Variants in LSM7 observed in about 807,000 individuals in gnomAD.
LSM7 encodes the protein U6 snRNA-associated Sm-like protein LSm7.
In LSM7, 13 loss-of-function variants were observed where a neutral mutation model predicts 14.1. The ratio of observed to expected loss-of-function variants is 0.92; its 90% confidence interval spans 0.60 to 1.47. The LOEUF is 1.47. Ranked by LOEUF, LSM7 falls within the 40% of genes most tolerant of loss-of-function variation. The pLI is 0.00. For missense variants in LSM7, 108 were observed against 140.8 expected, an observed-to-expected ratio of 0.77 and a Z score of 1.18; for synonymous variants, 70 against 57.1, an observed-to-expected ratio of 1.23 and a Z score of -1.02.
intron 1 of LSM7, 39 bp from the exon 2 acceptor site, chr19:2,328,516 C>A (rs774166672): frequency 6.2e-7 from 1 of 1,610,538 alleles, no homozygotes; most frequent in Non-Finnish European, 8.5e-7. Flanking sequence ...TGGAGCGCGG[C>A]CCGAGCTCCA....
In LSM7 at chr19:2,321,765, C is replaced by T. The variant is rs762286726; in HGVS notation, c.227G>A (p.Cys76Tyr). 3 of 1,560,440 alleles carry T rather than the reference C, an allele frequency of 1.9e-6. No individual in the cohort carries two copies. Among genetic ancestry groups the T allele is most frequent in the African/African-American group, 1.4e-5 (1 of 73,212 alleles). ...EDTRQLGLVV[C>Y]RGTSVVLICP... ...GATTAGCACCACGGACGTGCCCCGG[C>T]ACACCACGAGGCCCAGCTGCCGGGT... is the stretch of plus-strand genomic sequence containing the variant. The change falls in exon 4 of 4, where the codon TGC becomes TAC. Residue 76 changes from cysteine (C) to tyrosine (Y), a missense_variant. Physicochemically the swap from Cys to Tyr is radical, Grantham distance 194. Coordinates refer to ENST00000252622, the MANE Select transcript of LSM7 (RefSeq NM_016199.3). This position sits in a 1 kb window ranked among gnomAD's most constrained non-coding sequence, Gnocchi z 5.0.
chr19:2,322,321 C>T (rs1434274662), intron 3 of LSM7, among the ~76,000 whole-genome samples: 5 of 152,032 alleles, frequency 3.3e-5, no homozygotes, highest in Non-Finnish European at 5.9e-5. Context: ...AGGCGGATCA[C>T]GAGGTCAGGA....
intron 2 of LSM7, among the ~76,000 whole-genome samples, chr19:2,326,761 C>A (rs1683831690): frequency 6.6e-6 from 1 of 152,272 alleles, no homozygotes. Flanking sequence ...TGAGCCCCCG[C>A]ACCCGGCCCC....
chr19:2,328,497 C>T lies in LSM7; in HGVS notation c.7-20G>A, dbSNP rs367972106. On this transcript the variant is annotated intron_variant, in intron 1 of 3. Transcript: ENST00000252622. ...CTTATCCTGCGGGGAAAGCAGAGCGCATGAGACCTGGAGCGCGGCCCGAGC... is the reference window on the plus strand; with the variant it reads ...CTTATCCTGCGGGGAAAGCAGAGCGTATGAGACCTGGAGCGCGGCCCGAGC... 16 of 1,613,170 alleles carry T rather than the reference C, an allele frequency of 9.9e-6. No homozygotes were observed. The highest frequency in any genetic ancestry group is 1.3e-5 in the Non-Finnish European group (15 of 1,179,706).
At chr19:2,327,143 G>C (rs1476566800) in intron 2 of LSM7, among the ~76,000 whole-genome samples, 1 of 152,218 alleles carries the variant, frequency 6.6e-6, no homozygotes, top group Non-Finnish European at 1.5e-5. Context: ...TGGGTGATTT[G>C]CTATGAAGGG....
intron 2 of LSM7, among the ~76,000 whole-genome samples, chr19:2,325,201 G>T (rs1967996035): frequency 6.6e-6 from 1 of 152,130 alleles, no homozygotes; most frequent in Non-Finnish European, 1.5e-5. Context: ...TGACCCGGTG[G>T]TGATCTCTGC....
intron 2 of LSM7, 138 bp from the exon 3 acceptor site, chr19:2,324,334 G>C: frequency 1.5e-6 from 1 of 686,292 alleles, no homozygotes; most frequent in South Asian, 1.7e-5. Flanking sequence ...GCTCCCGGGA[G>C]TGGCCGATGA....
intron 3 of LSM7, 129 bp downstream of exon 3, chr19:2,323,996 G>T: frequency 1.2e-6 from 1 of 805,256 alleles, no homozygotes. Context: ...TTGTGGGTTT[G>T]AGAGAAGAAG....
At chr19:2,324,242 G>T in intron 2 of LSM7, 46 bp from the exon 3 acceptor site, 1 of 1,470,986 alleles carries the variant, frequency 6.8e-7, no homozygotes, top group Non-Finnish European at 9.3e-7. Flanking sequence ...CATGAGATCC[G>T]TCCTGGGCGC....
chr19:2,328,123 A>G, intron 2 of LSM7: 1 of 394,148 alleles, frequency 2.5e-6, no homozygotes, highest in East Asian at 4.8e-5. Flanking sequence ...AAATACAAAT[A>G]TTAGCCGGGC....
chr19:2,326,335 T>C (rs989603683), intron 2 of LSM7, among the ~76,000 whole-genome samples: 1 of 150,656 alleles, frequency 6.6e-6, no homozygotes, highest in African/African-American at 2.5e-5. Context: ...TGTGTGTGTG[T>C]GTGTGTGTGT....
At chr19:2,322,519 T>C (rs1037483754) in intron 3 of LSM7, among the ~76,000 whole-genome samples, 1 of 152,014 alleles carries the variant, frequency 6.6e-6, no homozygotes, top group Non-Finnish European at 1.5e-5. Flanking sequence ...CCAGCCTGGG[T>C]GACAGAGCGA....
At position 2,321,584 on chromosome 19, in the gene LSM7, G is replaced by T. The variant is rs1056435754; in HGVS notation, c.*96C>A. 4 of 1,233,784 alleles carry T rather than the reference G, an allele frequency of 3.2e-6. No homozygotes were observed. Among genetic ancestry groups the T allele is most frequent in the African/African-American group, 1.6e-5 (1 of 63,540 alleles). 76.4% of individuals were successfully genotyped at this position (1,233,784 alleles called of 1,614,324 possible). Reference sequence around the variant, plus strand: ...CCTATACAAAAAGGAAAATGCTTCCGTTCCAGGAGGCGGTACTGCGGTGGG... The same window carrying T: ...CCTATACAAAAAGGAAAATGCTTCCTTTCCAGGAGGCGGTACTGCGGTGGG... On this transcript the variant is annotated 3_prime_UTR_variant, in exon 4 of 4. Transcript: ENST00000252622. This position sits in a 1 kb window ranked among gnomAD's most constrained non-coding sequence, Gnocchi z 5.0.
intron 2 of LSM7, chr19:2,327,823 G>A (rs10425687): frequency 6.6e-6 from 1 of 152,570 alleles, no homozygotes; most frequent in South Asian, 2.0e-4. Context: ...TATTGAATAA[G>A]TGACGTGTTG....
chr19:2,322,106 G>T (rs1026137753), intron 3 of LSM7, among the ~76,000 whole-genome samples: 2 of 152,172 alleles, frequency 1.3e-5, no homozygotes, highest in African/African-American at 4.8e-5. Flanking sequence ...CGGCTACCCC[G>T]CGTCTCAGAG....
At chr19:2,326,473 C>G (rs1212887141) in intron 2 of LSM7, among the ~76,000 whole-genome samples, 6 of 152,122 alleles carry the variant, frequency 3.9e-5, no homozygotes, top group Non-Finnish European at 8.8e-5. Flanking sequence ...GTAGCTGGGA[C>G]TACAGGCATG....
chr19:2,323,659 T>C (rs1967970386), intron 3 of LSM7, among the ~76,000 whole-genome samples: 1 of 151,820 alleles, frequency 6.6e-6, no homozygotes, highest in Non-Finnish European at 1.5e-5. Flanking sequence ...ACCATGTTGG[T>C]CAGGCTGGTC....
At chr19:2,326,358 T>TGTGTGTC (rs1334972967) in intron 2 of LSM7, among the ~76,000 whole-genome samples, 1 of 68,264 alleles carries the variant, frequency 1.5e-5, no homozygotes, top group Non-Finnish European at 3.0e-5. Context: ...GTGTGTGTGT[T>TGTGTGTC]TGAGATGGAG....
At chr19:2,324,074 C>A in intron 3 of LSM7, 51 bp downstream of exon 3, 3 of 1,191,386 alleles carry the variant, frequency 2.5e-6, no homozygotes, top group Non-Finnish European at 3.5e-6. Context: ...GCCCCCCTCA[C>A]CCCACTATCC....
Sources: gnomAD v4.1 joint callset for allele counts (sites outside exome capture counted in the v4.1 genomes callset) on GRCh38, gnomAD v4.1.1 for gene constraint, Gnocchi (gnomAD v3.1) non-coding constraint, MANE v1.5 for transcripts, NCBI Gene and HGNC (gene_info 2026-07-23, HGNC 2026-07-21) for gene names.